Variants in FKBP7 observed in about 807,000 individuals in gnomAD.
FKBP7 encodes the protein FKBP prolyl isomerase 7.
FKBP7 carries 24 observed loss-of-function variants against 24.3 expected under a neutral mutation model. The observed-to-expected ratio is 0.99, with a 90% CI of 0.72 to 1.39. The LOEUF (loss-of-function observed/expected upper bound fraction) is 1.39. Ranked by LOEUF, FKBP7 falls within the 40% of genes most tolerant of loss-of-function variation. The pLI is 0.00. For missense variants in FKBP7, 257 were observed against 269.5 expected (o/e 0.95, Z 0.33); for synonymous variants, 98 against 92.8 (o/e 1.06, Z -0.32).
intron 2 of FKBP7, among the ~76,000 whole-genome samples, chr2:178,476,309 T>C (rs1199118420): frequency 6.6e-6 from 1 of 152,254 alleles, no homozygotes; most frequent in Non-Finnish European, 1.5e-5. Context: ...CTGTTCTCTT[T>C]ATTTCATCTA....
chr2:178,470,485 G>A (rs1176056729), intron 2 of FKBP7, among the ~76,000 whole-genome samples: 2 of 152,200 alleles, frequency 1.3e-5, no homozygotes, highest in South Asian at 2.1e-4. Flanking sequence ...ACAGAAGAGA[G>A]GTGGCACAGA....
At chr2:178,472,646 C>A (rs1172361189) in intron 2 of FKBP7, among the ~76,000 whole-genome samples, 4 of 151,832 alleles carry the variant, frequency 2.6e-5, no homozygotes, top group Non-Finnish European at 5.9e-5. Flanking sequence ...GCCAGGAGTT[C>A]GAGACCAGCC....
At chr2:178,470,901 G>A (rs1372177878) in intron 2 of FKBP7, among the ~76,000 whole-genome samples, 7 of 151,326 alleles carry the variant, frequency 4.6e-5, no homozygotes, top group African/African-American at 1.7e-4. Context: ...TTTTTGAGAC[G>A]GCGTCTCACT....
intron 2 of FKBP7, among the ~76,000 whole-genome samples, chr2:178,472,153 C>A (rs867117026): frequency 4.0e-4 from 60 of 149,508 alleles, no homozygotes; most frequent in African/African-American, 1.4e-3. Flanking sequence ...TGGCTCACTG[C>A]AACCTCCACC....
chr2:178,472,326 C>T lies in FKBP7; in HGVS notation c.374-2541G>A, dbSNP rs556394897. ...CTAGCCTCAGGTGAGCCACCCACCT[C>T]GGCCTCCCAAAGTGCTAGGATTACA... On this transcript the variant is annotated intron_variant, in intron 2 of 3. Coordinates refer to ENST00000424785, the MANE Select transcript of FKBP7 (RefSeq NM_181342.3). Among the ~76,000 whole-genome samples the T allele has an allele frequency of 9.3e-4, 141 of 152,092 alleles. 1 individual carries two copies. Among genetic ancestry groups the T allele is most frequent in the Non-Finnish European group, 1.6e-3 (110 of 67,978 alleles).
chr2:178,469,678 T>C lies in FKBP7; in HGVS notation c.481A>G (p.Asn161Asp). 1 of 1,613,964 alleles carries C rather than the reference T, an allele frequency of 6.2e-7. No individual in the cohort carries two copies. Among genetic ancestry groups the C allele is most frequent in the Non-Finnish European group, 8.5e-7 (1 of 1,179,972 alleles). The change falls in exon 3 of 4, where the codon AAT becomes GAT. Residue 161 changes from asparagine (N) to aspartate (D), a missense_variant. Coordinates refer to ENST00000424785, the MANE Select transcript of FKBP7 (RefSeq NM_181342.3). Reference protein sequence around the residue: ...IETFKQIDMDNDRQLSKAEIN... With the variant: ...IETFKQIDMDDDRQLSKAEIN... ...TCGGCTTTAGAGAGCTGCCTGTCAT[T>C]GTCCATGTCTATTTGTTTAAATGTC...
chr2:178,478,165 C>G lies in FKBP7; in HGVS notation c.221+114G>C, dbSNP rs1042410071. On this transcript the variant is annotated intron_variant, in intron 1 of 3. Transcript: ENST00000424785. ...TTTTTTTAATGAATAAAGGGCTCAA[C>G]TTTTACCGTTAAAAAATAAAACCCC... is the stretch of plus-strand genomic sequence containing the variant. The G allele has an allele frequency of 1.5e-5, 17 of 1,170,858 alleles. 1 individual carries two copies. Among genetic ancestry groups the G allele is most frequent in the Non-Finnish European group, 2.1e-5 (17 of 826,660 alleles). The allele number at this position is 1,170,858 out of a possible 1,614,324, so 72.5% of individuals were successfully genotyped here. A position where few individuals can be genotyped will look rare whatever the true frequency, so the allele number is the denominator to read the frequency against.
chr2:178,477,061 C>A lies in FKBP7; in HGVS notation c.373+1G>T. 6.3e-7 allele frequency: 1 copy of A among 1,583,736 alleles called. No individual in the cohort carries two copies. The highest frequency in any genetic ancestry group is 8.6e-7 in the Non-Finnish European group (1 of 1,168,556). On this transcript the variant is annotated splice_donor_variant, in intron 2 of 3. Coordinates refer to ENST00000424785, the MANE Select transcript of FKBP7 (RefSeq NM_181342.3). LOFTEE classifies it high-confidence loss of function. The stretch of plus-strand genomic sequence containing the variant: ...CAAGAAATTAAAATTAAACATCTTA[C>A]CATAGCCTTCCTTTCCGTATGCAAA...
chr2:178,470,402 G>C (rs1684817423), intron 2 of FKBP7, among the ~76,000 whole-genome samples: 1 of 152,164 alleles, frequency 6.6e-6, no homozygotes, highest in South Asian at 2.1e-4. Flanking sequence ...TGTGGATTTT[G>C]GAATCCATGA....
At chr2:178,465,993 T>TA (rs1490952026) in intron 3 of FKBP7, 62 bp from the exon 4 acceptor site, 16 of 1,371,214 alleles carry the variant, frequency 1.2e-5, no homozygotes, top group Non-Finnish European at 1.6e-5. Context: ...CCAGTAACTT[T>TA]AAGGAATAGT....
At chr2:178,471,991 C>T (rs1684858979) in intron 2 of FKBP7, among the ~76,000 whole-genome samples, 1 of 151,962 alleles carries the variant, frequency 6.6e-6, no homozygotes, top group Admixed American at 6.6e-5. Context: ...CCTATTTTTT[C>T]CAGTTATCTC....
chr2:178,472,901 G>GTTTT, intron 2 of FKBP7: 5 of 177,182 alleles, frequency 2.8e-5, no homozygotes, highest in Admixed American at 2.2e-4. Flanking sequence ...TCTTTTTCTT[G>GTTTT]TTTTTTTTTT....
In FKBP7 at chr2:178,469,655, G is replaced by A. The variant is rs533883856; in HGVS notation, c.504C>T (p.Ala168=). ...ACATGAAATTGGTTTGAATTACCTC[G>A]GCTTTAGAGAGCTGCCTGTCATTGT... ...DMDNDRQLSK[A]EINLYLQREF... Residue 168 remains alanine, a synonymous_variant, in exon 3 of 4, where the codon GCC becomes GCT. Coordinates refer to ENST00000424785, the MANE Select transcript of FKBP7 (RefSeq NM_181342.3). 17 of 1,613,578 alleles carry A rather than the reference G, an allele frequency of 1.1e-5. No homozygotes were observed. Among genetic ancestry groups the A allele is most frequent in the East Asian group, 6.7e-5 (3 of 44,826 alleles).
intron 2 of FKBP7, among the ~76,000 whole-genome samples, chr2:178,474,457 C>T (rs1013238388): frequency 1.3e-5 from 2 of 152,214 alleles, no homozygotes; most frequent in Non-Finnish European, 2.9e-5. Context: ...GAAATCTTCT[C>T]ATCCTTGACC....
At position 178,464,880 on chromosome 2, in the gene FKBP7, G is replaced by A. The variant is rs1306013464; in HGVS notation, c.*890C>T. 6.6e-6 allele frequency: 1 copy of A among 152,278 alleles called. No homozygotes were observed. Among genetic ancestry groups the A allele is most frequent in the East Asian group, 1.9e-4 (1 of 5,186 alleles). 9.4% of individuals were successfully genotyped at this position (152,278 alleles called of 1,614,324 possible). On this transcript the variant is annotated 3_prime_UTR_variant, in exon 4 of 4. Transcript: ENST00000424785. ...ATTTGACAGCATACCAATTTGTAAT[G>A]ATCATTCATCATTAGTGACAAGAAT...
rs752627121 is a variant in FKBP7, at chr2:178,465,787, G to C, written c.652C>G (p.Gln218Glu). Residue 218 changes from glutamine to glutamate, a missense_variant, in exon 4 of 4, where the codon CAA (glutamine) becomes GAA (glutamate). Coordinates refer to ENST00000424785, the MANE Select transcript of FKBP7 (RefSeq NM_181342.3). ...FISPKEYNVYQHDEL is the reference protein window; with the variant it reads ...FISPKEYNVYEHDEL ...CAAATATGCTATAGTTCATCGTGTTGGTATACATTGTATTCCTTGGGAGAA... is the reference window on the plus strand; with the variant it reads ...CAAATATGCTATAGTTCATCGTGTTCGTATACATTGTATTCCTTGGGAGAA... The C allele has an allele frequency of 6.3e-7, 1 of 1,598,636 alleles. No homozygotes were observed. Among genetic ancestry groups the C allele is most frequent in the Non-Finnish European group, 8.5e-7 (1 of 1,174,152 alleles).
rs1173293031 is a variant in FKBP7, at chr2:178,465,004, C to G, written c.*766G>C. The G allele has an allele frequency of 1.3e-5, 2 of 152,044 alleles. No individual in the cohort carries two copies. The highest frequency in any genetic ancestry group is 2.9e-5 in the Non-Finnish European group (2 of 68,024). The allele number at this position is 152,044 out of a possible 1,614,324, so 9.4% of individuals were successfully genotyped here. On this transcript the variant is annotated 3_prime_UTR_variant, in exon 4 of 4. Coordinates refer to ENST00000424785, the MANE Select transcript of FKBP7 (RefSeq NM_181342.3). Reference sequence around the variant, plus strand: ...CAATTTAAAACTATCAAGACAAAAGCTTGGGGTGGCAGACATCTTATAAAG... The same window carrying G: ...CAATTTAAAACTATCAAGACAAAAGGTTGGGGTGGCAGACATCTTATAAAG...
At chr2:178,475,715 C>G (rs1331856860) in intron 2 of FKBP7, among the ~76,000 whole-genome samples, 1 of 151,990 alleles carries the variant, frequency 6.6e-6, no homozygotes, top group Non-Finnish European at 1.5e-5. Context: ...GACTTAAAGG[C>G]CATTTGTAGT....
chr2:178,469,823 G>GATAT, intron 2 of FKBP7, 38 bp from the exon 3 acceptor site: 1 of 1,568,092 alleles, frequency 6.4e-7, no homozygotes, highest in Non-Finnish European at 8.7e-7. Context: ...CTTATGTAAA[G>GATAT]ATATAGTTCA....
Sources: allele counts gnomAD v4.1 joint callset (sites outside exome capture counted in the v4.1 genomes callset), GRCh38; gene constraint gnomAD v4.1.1; transcripts MANE v1.5; gene names NCBI Gene and HGNC (gene_info 2026-07-23, HGNC 2026-07-21).